CACNA1F: variants seen among roughly 807,000 people sequenced by gnomAD.
CACNA1F encodes the protein voltage-dependent L-type calcium channel subunit alpha-1F.
Under a neutral mutation model 143.8 loss-of-function variants are expected in CACNA1F, and 59 were observed. That is an observed-to-expected ratio of 0.41 (90% CI 0.33 to 0.51). CACNA1F has a LOEUF of 0.51. Ranked by LOEUF, CACNA1F falls within the 20% of genes least tolerant of loss-of-function variation. CACNA1F has a pLI of 0.22. For synonymous variants in CACNA1F, 643 were observed against 649.1 expected (o/e 0.99, Z 0.14); for missense variants, 1,411 against 1,647.5 (o/e 0.86, Z 2.48).
Position 49,205,273 on chromosome X carries a change from A to C in CACNA1F, c.5765T>G (p.Leu1922Arg), listed in dbSNP as rs782806773. 2 of 1,209,896 alleles carry C rather than the reference A, an allele frequency of 1.7e-6. No homozygotes were observed. Among genetic ancestry groups the C allele is most frequent in the South Asian group, 3.5e-5 (2 of 56,841 alleles). Residue 1922 changes from leucine (L) to arginine (R), a missense_variant, in exon 48 of 48, where the codon CTG (leucine) becomes CGG (arginine). Physicochemically the swap from Leu to Arg is moderately radical, Grantham distance 102. This residue lies in a region of CACNA1F where 349 missense variants were observed against 350.2 expected (regional missense o/e 1.00). Transcript: ENST00000323022. ...ACTGGCAGCATTGTCCATCTCATCC[A>C]GCGTCAGGCGACACGCATCTGCAAT... ...QEIADACRLT[L>R]DEMDNAASDL...
chrX:49,218,212 T>TGG (rs1345915645), intron 24 of CACNA1F, among the ~76,000 whole-genome samples: 1 of 111,232 alleles, frequency 9.0e-6, no homozygotes, highest in Non-Finnish European at 1.9e-5. Context: ...GTTTGCCGGG[T>TGG]GGGGATCTGT....
chrX:49,214,096 G>T, intron 30 of CACNA1F, 63 bp downstream of exon 30: 1 of 800,656 alleles, frequency 1.2e-6, no homozygotes, highest in Non-Finnish European at 1.9e-6. Context: ...CCAGAGCTCT[G>T]CAATGAGCTC....
chrX:49,207,188 A>G, intron 43 of CACNA1F, 76 bp from the exon 44 acceptor site: 1 of 590,992 alleles, frequency 1.7e-6, no homozygotes, highest in Admixed American at 2.6e-5. Flanking sequence ...CTCTCATCCC[A>G]TGCCCCAACC....
At chrX:49,206,893 G>A (rs1247075562) in intron 44 of CACNA1F, 38 bp from the exon 45 acceptor site, 1 of 1,190,222 alleles carries the variant, frequency 8.4e-7, no homozygotes, top group South Asian at 1.8e-5. Flanking sequence ...ACTTGGGTCT[G>A]GGCCTGGACC....
At chrX:49,206,164 A>T (rs1051792798) in intron 46 of CACNA1F, among the ~76,000 whole-genome samples, 1 of 110,220 alleles carries the variant, frequency 9.1e-6, no homozygotes, top group African/African-American at 3.3e-5. Context: ...AGGCTGAGAC[A>T]GGCGGATCAC....
intron 9 of CACNA1F, 122 bp downstream of exon 9, chrX:49,226,848 G>A: frequency 9.6e-7 from 1 of 1,045,850 alleles, no homozygotes; most frequent in South Asian, 1.9e-5. Context: ...GCTGGGGCTA[G>A]AGTTGTTGCA....
chrX:49,209,400 G>A lies in CACNA1F; in HGVS notation c.4822-7C>T, dbSNP rs965067000. ...GCAGGCTCCGCAGACCAGCCTGTGG[G>A]GGTGGAGAAATAGGTAAGCAGGCAG... On this transcript the variant is annotated splice_polypyrimidine_tract_variant and splice_region_variant and intron_variant, in intron 41 of 47. Coordinates refer to ENST00000323022, the MANE Select transcript of CACNA1F (RefSeq NM_001256789.3). 2 of 1,209,440 alleles carry A rather than the reference G, an allele frequency of 1.7e-6. No homozygotes were observed. The highest frequency in any genetic ancestry group is 1.1e-6 in the Non-Finnish European group (1 of 893,909).
intron 44 of CACNA1F, 73 bp downstream of exon 44, chrX:49,206,932 C>T: frequency 4.4e-6 from 5 of 1,125,738 alleles, no homozygotes; most frequent in Middle Eastern, 2.5e-4. Context: ...CACAAACAGT[C>T]CTCCCCGACC....
In CACNA1F at chrX:49,215,172, G is replaced by C. The variant is rs782492780; in HGVS notation, c.3511C>G (p.Arg1171Gly). ...GCAGAGTTCACAGTGGCCCACACAC[G>C]ATACTGATGCGGGTTCTTGGGGATG... ...RYIPKNPHQY[R>G]VWATVNSAAF... is the part of the protein sequence containing the mutation. The change falls in exon 29 of 48, where the codon CGT becomes GGT. Residue 1171 changes from arginine (R) to glycine (G), a missense_variant. Coordinates refer to ENST00000323022, the MANE Select transcript of CACNA1F (RefSeq NM_001256789.3). The C allele has an allele frequency of 1.7e-6, 2 of 1,210,342 alleles. No homozygotes were observed. Among genetic ancestry groups the C allele is most frequent in the Non-Finnish European group, 1.1e-6 (1 of 894,373 alleles).
At chrX:49,216,603 G>A in intron 26 of CACNA1F, 75 bp from the exon 27 acceptor site, 1 of 927,140 alleles carries the variant, frequency 1.1e-6, no homozygotes, top group South Asian at 2.2e-5. Context: ...TCTCCAGCAT[G>A]GAGGCAGCAG....
rs781870832 is a variant in CACNA1F, at chrX:49,208,780, C to T, written c.4954-96G>A. 2.6e-5 allele frequency: 18 copies of T among 703,529 alleles called. No homozygotes were observed. In the African/African-American group the frequency reaches 3.8e-4, roughly 15 times the overall value. The allele number at this position is 703,529 out of a possible 1,213,427, so 58.0% of individuals were successfully genotyped here. Reference sequence around the variant, plus strand: ...CCCCCACAGGTCCATGAATGTGGGCCTTGCCCTCCAACAGCAATGGTAAAT... The same window carrying T: ...CCCCCACAGGTCCATGAATGTGGGCTTTGCCCTCCAACAGCAATGGTAAAT... On this transcript the variant is annotated intron_variant, in intron 42 of 47. Transcript: ENST00000323022.
chrX:49,222,044 C>G (rs1283210342), intron 17 of CACNA1F, among the ~76,000 whole-genome samples: 2 of 109,746 alleles, frequency 1.8e-5, no homozygotes, highest in African/African-American at 6.7e-5. Flanking sequence ...CTTGCCACTC[C>G]CCTTCCTTGA....
chrX:49,215,621 A>G, intron 27 of CACNA1F, 78 bp from the exon 28 acceptor site: 1 of 661,877 alleles, frequency 1.5e-6, no homozygotes, highest in South Asian at 2.7e-5. Context: ...CCCCCAGTCT[A>G]CTTATCACAG....
rs1157870851 is a variant in CACNA1F, at chrX:49,230,386, G to C, written c.665-14C>G. 2.8e-5 allele frequency: 34 copies of C among 1,207,810 alleles called. No homozygotes were observed. The highest frequency in any genetic ancestry group is 5.2e-5 in the African/African-American group (3 of 57,201). On this transcript the variant is annotated splice_polypyrimidine_tract_variant and intron_variant, in intron 5 of 47. Transcript: ENST00000323022. Reference sequence around the variant, plus strand: ...CTATGTGCAGGCCTGCGGGGAGGGAGGGGGAGGCAGAAATAAGGGCGGGGT... The same window carrying C: ...CTATGTGCAGGCCTGCGGGGAGGGACGGGGAGGCAGAAATAAGGGCGGGGT...
chrX:49,205,490 G>T (rs1449006016), intron 47 of CACNA1F, 123 bp from the exon 48 acceptor site: 1 of 848,743 alleles, frequency 1.2e-6, no homozygotes, highest in Non-Finnish European at 1.7e-6. Context: ...GGTGAGCAGA[G>T]GTCGTAGGGC....
chrX:49,220,762 C>T (rs1222138525), intron 18 of CACNA1F, among the ~76,000 whole-genome samples: 1 of 111,676 alleles, frequency 9.0e-6, no homozygotes, highest in Non-Finnish European at 1.9e-5. Context: ...CATGGTGAAA[C>T]CCTGTCTCTT....
In CACNA1F at chrX:49,205,176, C is replaced by G. The variant is rs782520504; in HGVS notation, c.5862G>C (p.Glu1954Asp). The change falls in exon 48 of 48, where the codon GAG becomes GAC. Residue 1954 changes from glutamate to aspartate, a missense_variant. Transcript: ENST00000323022. ...CGCAGGCCATCTCGTCTCCCAAGTCCTCCTCATCGAAGCGGGAGAGGATGG... is the reference window on the plus strand; with the variant it reads ...CGCAGGCCATCTCGTCTCCCAAGTCGTCCTCATCGAAGCGGGAGAGGATGG... Reference protein sequence around the residue: ...EESILSRFDEEDLGDEMACVH... With the variant: ...EESILSRFDEDDLGDEMACVH... The G allele has an allele frequency of 1.7e-6, 2 of 1,209,280 alleles. No individual in the cohort carries two copies. Among genetic ancestry groups the G allele is most frequent in the African/African-American group, 3.5e-5 (2 of 57,314 alleles).
intron 17 of CACNA1F, chrX:49,222,223 A>G (rs1202310466): frequency 1.4e-5 from 4 of 281,607 alleles, no homozygotes; most frequent in Non-Finnish European, 2.5e-5. Flanking sequence ...TATTATTAAC[A>G]TATATTATAT....
intron 1 of CACNA1F, 46 bp downstream of exon 1, chrX:49,233,239 C>T (rs2147928045): frequency 8.3e-7 from 1 of 1,200,218 alleles, no homozygotes; most frequent in East Asian, 3.0e-5. Flanking sequence ...GTCAGAGGGG[C>T]TCTACCTTGC....
Sources: gnomAD v4.1 joint callset for allele counts (sites outside exome capture counted in the v4.1 genomes callset) on GRCh38, gnomAD v4.1.1 for gene constraint, gnomAD v4.1.1 regional missense constraint, MANE v1.5 for transcripts, NCBI Gene and HGNC (gene_info 2026-07-23, HGNC 2026-07-21) for gene names.